The following VWA3B variants were observed in gnomAD, a reference collection of about 807,000 sequenced individuals.
The protein encoded by VWA3B is von Willebrand factor A domain-containing protein 3B.
Under a neutral mutation model 158.3 loss-of-function variants are expected in VWA3B, and 138 were observed. That is an observed-to-expected ratio of 0.87 (90% CI 0.76 to 1.00). The LOEUF is 1.00. VWA3B is among the 50% of genes least tolerant of loss of function. The probability of loss-of-function intolerance (pLI) is 0.00; values close to 1 mark genes in which losing one functional copy is unlikely to be tolerated. For synonymous variants in VWA3B, 596 were observed against 587.3 expected (o/e 1.01, Z -0.21); for missense variants, 1,555 against 1,565.1 (o/e 0.99, Z 0.11).
At chr2:98,192,162 A>G (rs4851915) in intron 10 of VWA3B, 135,137 of 152,412 alleles carry the variant, frequency 0.89, 60,112 homozygotes, top group East Asian at 0.98. Flanking sequence ...ATAGTCTGAA[A>G]TCATAGCTGA....
chr2:98,212,455 T>C (rs17492872), intron 13 of VWA3B, among the ~76,000 whole-genome samples: 7,189 of 152,296 alleles, frequency 0.047, 256 homozygotes, highest in Middle Eastern at 0.082. Flanking sequence ...AACAAAAACA[T>C]GCCTTTCTAG....
rs370049581 is a variant in VWA3B, at chr2:98,185,540, G to A, written c.1312-2435G>A. Among the ~76,000 whole-genome samples the A allele has an allele frequency of 3.5e-4, 53 of 152,250 alleles. No individual in the cohort carries two copies. In the East Asian group the frequency reaches 5.8e-3, roughly 17 times the overall value. The stretch of plus-strand genomic sequence containing the variant: ...CTAGCAGTCCACTCAGCCCCTCACT[G>A]GCTGTCCTCTCCTCCTGAAACACCT... On this transcript the variant is annotated intron_variant, in intron 9 of 27. Transcript: ENST00000477737.
chr2:98,262,358 A>G (rs929066077), intron 21 of VWA3B, among the ~76,000 whole-genome samples: 3 of 151,852 alleles, frequency 2.0e-5, no homozygotes, highest in Non-Finnish European at 2.9e-5. Context: ...AAAGCTTGCC[A>G]AATTCAGTAT....
chr2:98,110,665 G>A (rs1337962251), intron 2 of VWA3B, among the ~76,000 whole-genome samples: 1 of 152,140 alleles, frequency 6.6e-6, no homozygotes, highest in Non-Finnish European at 1.5e-5. Flanking sequence ...TGAAGTATGG[G>A]CTTTTAGTGT....
chr2:98,179,887 T>C (rs1321758492), intron 8 of VWA3B, among the ~76,000 whole-genome samples: 7 of 139,492 alleles, frequency 5.0e-5, no homozygotes, highest in Middle Eastern at 3.6e-3. Flanking sequence ...TCCCTCCCTC[T>C]CTCTCTTTCT....
In VWA3B at chr2:98,128,381, A is replaced by C; in HGVS notation, c.845A>C (p.Lys282Thr). The C allele has an allele frequency of 6.2e-7, 1 of 1,613,828 alleles. No individual in the cohort carries two copies. The highest frequency in any genetic ancestry group is 8.5e-7 in the Non-Finnish European group (1 of 1,179,896). The change falls in exon 6 of 28, where the codon AAG (lysine) becomes ACG (threonine). Residue 282 changes from lysine to threonine, a missense_variant. Transcript: ENST00000477737. Reference sequence around the variant, plus strand: ...GGAGAAGGCACTATAGCTTTTCTAAAGGATCTGAGTGCCAAGACCCACAGC... The same window carrying C: ...GGAGAAGGCACTATAGCTTTTCTAACGGATCTGAGTGCCAAGACCCACAGC... ...ARGEGTIAFL[K>T]DLSAKTHSRF...
At chr2:98,094,323 A>T (rs143244364) in intron 2 of VWA3B, among the ~76,000 whole-genome samples, 1 of 152,250 alleles carries the variant, frequency 6.6e-6, no homozygotes, top group African/African-American at 2.4e-5. Flanking sequence ...GATATTAGCC[A>T]TTGTGACAGG....
chr2:98,214,634 CAT>C (rs1683820853), intron 13 of VWA3B, among the ~76,000 whole-genome samples: 1 of 152,312 alleles, frequency 6.6e-6, no homozygotes, highest in African/African-American at 2.4e-5. Context: ...CTATTATACA[CAT>C]GATTCTGCAC....
intron 21 of VWA3B, among the ~76,000 whole-genome samples, chr2:98,266,823 T>A (rs866585405): frequency 0.039 from 5,607 of 144,270 alleles, 290 homozygotes; most frequent in African/African-American, 0.14. Context: ...GAATGGGAGT[T>A]CACTCATGAT....
Position 98,297,931 on chromosome 2 carries a change from G to A in VWA3B, c.3182G>A (p.Arg1061His), listed in dbSNP as rs146321928. Residue 1061 changes from arginine (R) to histidine (H), a missense_variant, in exon 24 of 28, where the codon CGC (arginine) becomes CAC (histidine). Physicochemically the swap from Arg to His is conservative, Grantham distance 29 (BLOSUM62 0). Transcript: ENST00000477737. ...FPGVVKKCVS[R>H]TQALVGFSYG... ...GGGGTTGTGAAGAAGTGTGTGAGCC[G>A]CACCCAAGCACTGGTGGGCTTCAGT... 148 of 1,565,242 alleles carry A rather than the reference G, an allele frequency of 9.5e-5. 1 individual carries two copies. Among genetic ancestry groups the A allele is most frequent in the Admixed American group, 3.4e-4 (18 of 53,288 alleles).
intron 14 of VWA3B, among the ~76,000 whole-genome samples, chr2:98,219,512 A>G (rs968675914): frequency 2.0e-5 from 3 of 152,248 alleles, no homozygotes; most frequent in African/African-American, 7.2e-5. Context: ...TCAGTCTAAT[A>G]AACACATAAC....
At chr2:98,155,806 C>T (rs1319553238) in intron 7 of VWA3B, among the ~76,000 whole-genome samples, 1 of 152,132 alleles carries the variant, frequency 6.6e-6, no homozygotes. Flanking sequence ...AAAGGGAGTG[C>T]TGCCTTCTCT....
At chr2:98,303,852 C>T in intron 26 of VWA3B, 50 bp downstream of exon 26, 1 of 1,562,240 alleles carries the variant, frequency 6.4e-7, no homozygotes, top group African/African-American at 1.4e-5. Flanking sequence ...TATCCTTGCA[C>T]CTTTAATCTG....
At chr2:98,173,996 C>T (rs1679810735) in intron 8 of VWA3B, among the ~76,000 whole-genome samples, 1 of 151,868 alleles carries the variant, frequency 6.6e-6, no homozygotes, top group Non-Finnish European at 1.5e-5. Context: ...TGTGGAAAAG[C>T]ACAACAAATC....
At chr2:98,206,260 G>A (rs1683013975) in intron 12 of VWA3B, 1 of 156,002 alleles carries the variant, frequency 6.4e-6, no homozygotes, top group Non-Finnish European at 1.4e-5. Context: ...GGCCACTCTG[G>A]CAGCAATCCA....
At chr2:98,135,325 CTTTT>C (rs397873615) in intron 7 of VWA3B, among the ~76,000 whole-genome samples, 26 of 96,422 alleles carry the variant, frequency 2.7e-4, no homozygotes, top group East Asian at 6.5e-4. Context: ...AAACATTTTT[CTTTT>C]TTTTTTTTTT....
intron 8 of VWA3B, among the ~76,000 whole-genome samples, chr2:98,166,048 A>G (rs1442962055): frequency 6.6e-6 from 1 of 152,098 alleles, no homozygotes. Flanking sequence ...TAAAAAGGTA[A>G]TTAAGGGACC....
intron 23 of VWA3B, chr2:98,291,961 A>G (rs1210803581): frequency 7.2e-6 from 1 of 138,210 alleles, no homozygotes; most frequent in African/African-American, 2.6e-5. Flanking sequence ...ATTACATTGC[A>G]GGGCGGGTGT....
chr2:98,252,162 G>A (rs1558728521), intron 20 of VWA3B, among the ~76,000 whole-genome samples: 1 of 152,110 alleles, frequency 6.6e-6, no homozygotes, highest in Non-Finnish European at 1.5e-5. Context: ...GGCCCTCAGA[G>A]CACTCACAGC....
Sources: allele counts gnomAD v4.1 joint callset (sites outside exome capture counted in the v4.1 genomes callset), GRCh38; gene constraint gnomAD v4.1.1; transcripts MANE v1.5; gene names NCBI Gene and HGNC (gene_info 2026-07-23, HGNC 2026-07-21).